Variants in MAPK10 observed in about 807,000 individuals in gnomAD.
MAPK10 encodes mitogen-activated protein kinase 10.
A neutral mutation model predicts 59.3 loss-of-function variants in MAPK10; 25 were observed. That is an observed-to-expected ratio of 0.42 (90% CI 0.31 to 0.59). The LOEUF (loss-of-function observed/expected upper bound fraction) is 0.59, where lower values mean the gene tolerates loss of function less well. MAPK10 is among the 20% of genes least tolerant of loss of function. MAPK10 has a pLI of 0.15. For missense variants in MAPK10, 351 were observed against 568.9 expected (o/e 0.62, Z 3.90); for synonymous variants, 190 against 200.5 (o/e 0.95, Z 0.44).
chr4:86,035,625 T>C (rs1021422991), intron 11 of MAPK10, among the ~76,000 whole-genome samples: 7 of 151,896 alleles, frequency 4.6e-5, no homozygotes, highest in African/African-American at 1.5e-4. Context: ...GAATAATTAA[T>C]AAATGTTAAT....
intron 11 of MAPK10, among the ~76,000 whole-genome samples, chr4:86,056,584 G>C (rs750267297): frequency 6.7e-6 from 1 of 149,846 alleles, no homozygotes; most frequent in Non-Finnish European, 1.5e-5. Context: ...AGATTTAATA[G>C]AGCAAGTAAC....
chr4:86,220,066 T>G (rs2089076890), intron 2 of MAPK10: 1 of 152,214 alleles, frequency 6.6e-6, no homozygotes, highest in African/African-American at 2.4e-5. Flanking sequence ...TACATTGAGT[T>G]ACATTTACTA....
chr4:86,378,209 C>G (rs925652306), intron 1 of MAPK10, among the ~76,000 whole-genome samples: 4 of 152,152 alleles, frequency 2.6e-5, no homozygotes, highest in Non-Finnish European at 4.4e-5. Flanking sequence ...TTATCATAGC[C>G]TGCCAGGCCC....
Position 86,055,366 on chromosome 4 carries a change from C to T in MAPK10, c.1110+8900G>A, listed in dbSNP as rs144948872. 9.2e-4 allele frequency among the ~76,000 whole-genome samples: 138 copies of T among 149,760 alleles called. 4 individuals are homozygous for T. The highest frequency in any genetic ancestry group is 1.4e-3 in the East Asian group (7 of 5,180). On this transcript the variant is annotated intron_variant, in intron 11 of 13. Transcript: ENST00000641462. Reference sequence around the variant, plus strand: ...ATTTTTGTTTGATATTCCTAAAATGCTAGAAATGACCTCAGAAATCTTTTT... The same window carrying T: ...ATTTTTGTTTGATATTCCTAAAATGTTAGAAATGACCTCAGAAATCTTTTT...
At position 86,089,427 on chromosome 4, in the gene MAPK10, A is replaced by G. The variant is rs2052623677; in HGVS notation, c.802+9097T>C. 10 of 589,804 alleles carry G rather than the reference A, an allele frequency of 1.7e-5. No individual in the cohort carries two copies. The South Asian group carries it at 2.1e-4, about 12-fold the overall frequency. 36.5% of individuals were successfully genotyped at this position (589,804 alleles called of 1,614,324 possible). A position where few individuals can be genotyped will look rare whatever the true frequency, so the allele number is the denominator to read the frequency against. On this transcript the variant is annotated intron_variant, in intron 9 of 13. Coordinates refer to ENST00000641462, the MANE Select transcript of MAPK10 (RefSeq NM_138982.4). ...AGTGGCATGATCATTAGCATTTTAA[A>G]TGGTGGAAAGGGGAGAACATAGGCT...
At chr4:86,162,579 C>G (rs74596600) in intron 3 of MAPK10, among the ~76,000 whole-genome samples, 1 of 151,942 alleles carries the variant, frequency 6.6e-6, no homozygotes. Context: ...CGCATGTGAA[C>G]GCTTCTCTTT....
chr4:86,584,794 C>G (rs1305546309), intron 1 of MAPK10, among the ~76,000 whole-genome samples: 1 of 152,072 alleles, frequency 6.6e-6, no homozygotes, highest in Non-Finnish European at 1.5e-5. Flanking sequence ...GACAAACTGA[C>G]AGGGTTATGA....
chr4:86,353,630 T>C (rs555127073), intron 2 of MAPK10, among the ~76,000 whole-genome samples: 2 of 152,306 alleles, frequency 1.3e-5, no homozygotes, highest in African/African-American at 2.4e-5. Context: ...AAATTCACTA[T>C]ATGAAATAAC....
intron 1 of MAPK10, among the ~76,000 whole-genome samples, chr4:86,516,086 ATTC>A (rs1579451743): frequency 6.6e-6 from 1 of 152,012 alleles, no homozygotes; most frequent in African/African-American, 2.4e-5. Context: ...ATCCAGTTTC[ATTC>A]TTCTACATGT....
chr4:86,233,981 G>A (rs974748953), intron 2 of MAPK10, among the ~76,000 whole-genome samples: 10 of 152,114 alleles, frequency 6.6e-5, no homozygotes, highest in Non-Finnish European at 1.5e-4. Context: ...ATTGCCAAAG[G>A]CCTTTTCTTC....
intron 1 of MAPK10, among the ~76,000 whole-genome samples, chr4:86,517,859 GTTC>G (rs1564978029): frequency 6.6e-6 from 1 of 152,162 alleles, no homozygotes. Context: ...ATTGGTACCA[GTTC>G]TTCTTTGAAT....
chr4:86,122,069 T>C (rs2149116166), intron 4 of MAPK10, among the ~76,000 whole-genome samples: 1 of 152,184 alleles, frequency 6.6e-6, no homozygotes, highest in Admixed American at 6.5e-5. Context: ...GGAGGGGCAT[T>C]ATTAACTGAG....
intron 11 of MAPK10, among the ~76,000 whole-genome samples, chr4:86,063,902 A>G (rs1285866073): frequency 1.3e-5 from 2 of 152,164 alleles, no homozygotes; most frequent in Non-Finnish European, 2.9e-5. Context: ...TCAAAAAAAA[A>G]ATACAAGCTA....
intron 9 of MAPK10, among the ~76,000 whole-genome samples, chr4:86,088,906 T>A (rs1375297647): frequency 6.6e-6 from 1 of 152,154 alleles, no homozygotes; most frequent in Non-Finnish European, 1.5e-5. Context: ...TTTTGAAACA[T>A]CTACAACAAA....
At chr4:86,271,655 T>A (rs966878288) in intron 2 of MAPK10, among the ~76,000 whole-genome samples, 48 of 151,754 alleles carry the variant, frequency 3.2e-4, no homozygotes, top group African/African-American at 1.1e-3. Context: ...CTGACTCAGT[T>A]CCACAGGGCT....
intron 1 of MAPK10, among the ~76,000 whole-genome samples, chr4:86,582,033 A>C (rs983180204): frequency 6.7e-6 from 1 of 150,010 alleles, no homozygotes; most frequent in Non-Finnish European, 1.5e-5. Context: ...AATATCATTT[A>C]TCAGGTGCCA....
rs11929810 is a variant in MAPK10 at position 86,425,288 on chromosome 4, C to A, written c.-122+27742G>T. On this transcript the variant is annotated intron_variant, in intron 1 of 13. Coordinates refer to the MAPK10 transcript ENST00000361569. ...TCTTAAAGCAAAAAGAATAGTAGTA[C>A]CAACATTATTTCTAATCATAAAATG... Among the ~76,000 whole-genome samples the A allele has an allele frequency of 5.7e-3, 863 of 152,154 alleles. 15 individuals carry two copies. Among genetic ancestry groups the A allele is most frequent in the African/African-American group, 0.02 (833 of 41,492 alleles).
chr4:86,088,106 C>G (rs937820191), intron 9 of MAPK10, among the ~76,000 whole-genome samples: 1 of 152,142 alleles, frequency 6.6e-6, no homozygotes, highest in Non-Finnish European at 1.5e-5. Context: ...CATGACACAT[C>G]CATATACTAA....
At chr4:86,287,065 A>G (rs1424255574) in intron 2 of MAPK10, among the ~76,000 whole-genome samples, 3 of 152,210 alleles carry the variant, frequency 2.0e-5, no homozygotes, top group Non-Finnish European at 2.9e-5. Flanking sequence ...AATGAGGAAA[A>G]CAGAATGATT....
Sources: allele counts gnomAD v4.1 joint callset (sites outside exome capture counted in the v4.1 genomes callset), GRCh38; gene constraint gnomAD v4.1.1; transcripts MANE v1.5; gene names NCBI Gene and HGNC (gene_info 2026-07-23, HGNC 2026-07-21).